Variants in KHDRBS2 observed in about 807,000 individuals in gnomAD.
The protein encoded by KHDRBS2 is KH domain-containing, RNA-binding, signal transduction-associated protein 2.
In KHDRBS2, 26 loss-of-function variants were observed where a neutral mutation model predicts 44.3. The observed-to-expected ratio is 0.59, with a 90% CI of 0.43 to 0.81. The LOEUF (loss-of-function observed/expected upper bound fraction) is 0.81, where lower values mean the gene tolerates loss of function less well. Ranked by LOEUF, KHDRBS2 falls within the 40% of genes least tolerant of loss-of-function variation. KHDRBS2 has a pLI of 0.00. For missense variants in KHDRBS2, 476 were observed against 433.1 expected (o/e 1.10, Z -0.88); for synonymous variants, 194 against 151.1 (o/e 1.28, Z -2.08).
chr6:61,955,498 G>A (rs533443177), intron 4 of KHDRBS2, among the ~76,000 whole-genome samples: 10 of 79,092 alleles, frequency 1.3e-4, no homozygotes, highest in African/African-American at 3.2e-4. Context: ...ATGTATACAT[G>A]TGTATATATA....
chr6:61,557,197 C>A, the KHDRBS2 span, among the ~76,000 whole-genome samples: 5 of 152,126 alleles, frequency 3.3e-5, no homozygotes, highest in Middle Eastern at 6.8e-3. Context: ...AGAATAGGAG[C>A]ATAATAATAT....
chr6:61,742,380 A>G (rs1776259859), intron 6 of KHDRBS2, among the ~76,000 whole-genome samples: 1 of 151,966 alleles, frequency 6.6e-6, no homozygotes, highest in Non-Finnish European at 1.5e-5. Context: ...TACAACAAAA[A>G]CTAACTGTAC....
the KHDRBS2 span, among the ~76,000 whole-genome samples, chr6:61,570,270 A>G: frequency 6.6e-6 from 1 of 152,168 alleles, no homozygotes; most frequent in East Asian, 1.9e-4. Context: ...GTGAAATACA[A>G]ATTACAGTGC....
intron 6 of KHDRBS2, among the ~76,000 whole-genome samples, chr6:61,814,385 G>T (rs1788581816): frequency 6.6e-6 from 1 of 152,122 alleles, no homozygotes; most frequent in East Asian, 1.9e-4. Flanking sequence ...GAGGAGGGTG[G>T]ATCATGAGGT....
At chr6:61,583,584 T>A in the KHDRBS2 span, among the ~76,000 whole-genome samples, 1 of 151,810 alleles carries the variant, frequency 6.6e-6, no homozygotes, top group African/African-American at 2.4e-5. Context: ...TATTTGTTCA[T>A]CCTTTGCCAC....
At chr6:62,180,012 G>A (rs1239827052) in intron 1 of KHDRBS2, among the ~76,000 whole-genome samples, 1 of 151,728 alleles carries the variant, frequency 6.6e-6, no homozygotes, top group African/African-American at 2.4e-5. Flanking sequence ...ACCAAAGAAA[G>A]CTTCATCCAT....
At chr6:62,259,394 A>G (rs1479574086) in intron 1 of KHDRBS2, among the ~76,000 whole-genome samples, 1 of 151,938 alleles carries the variant, frequency 6.6e-6, no homozygotes, top group Admixed American at 6.6e-5. Flanking sequence ...GGTACATCAC[A>G]TGACAACTGA....
At chr6:61,921,361 TA>T (rs1808030013) in intron 4 of KHDRBS2, among the ~76,000 whole-genome samples, 4 of 151,984 alleles carry the variant, frequency 2.6e-5, no homozygotes. Flanking sequence ...GAGATTATAT[TA>T]ACTCCCAAGT....
At chr6:61,848,166 C>T (rs1794684556) in intron 6 of KHDRBS2, among the ~76,000 whole-genome samples, 1 of 151,694 alleles carries the variant, frequency 6.6e-6, no homozygotes, top group Non-Finnish European at 1.5e-5. Flanking sequence ...CAAGTCAAGG[C>T]AAGATAGTAT....
chr6:61,788,143 T>A (rs1426738619), intron 6 of KHDRBS2, among the ~76,000 whole-genome samples: 2 of 151,602 alleles, frequency 1.3e-5, no homozygotes, highest in Non-Finnish European at 3.0e-5. Context: ...TCATATGTTG[T>A]TACAAAATAA....
chr6:61,601,656 C>A, the KHDRBS2 span, among the ~76,000 whole-genome samples: 1 of 152,102 alleles, frequency 6.6e-6, no homozygotes, highest in Non-Finnish European at 1.5e-5. Flanking sequence ...TCCCACCTGT[C>A]CCCTCAGTCC....
At chr6:62,215,923 T>A (rs1386247225) in intron 1 of KHDRBS2, among the ~76,000 whole-genome samples, 2 of 151,836 alleles carry the variant, frequency 1.3e-5, no homozygotes, top group East Asian at 3.9e-4. Flanking sequence ...AATATGATAC[T>A]CTATGATTGT....
intron 2 of KHDRBS2, among the ~76,000 whole-genome samples, chr6:62,164,821 C>T (rs1428207403): frequency 6.6e-6 from 1 of 151,698 alleles, no homozygotes; most frequent in Non-Finnish European, 1.5e-5. Context: ...TTCCGCATGC[C>T]CTAAAATCAT....
At chr6:61,614,033 G>T in the KHDRBS2 span, among the ~76,000 whole-genome samples, 3 of 152,156 alleles carry the variant, frequency 2.0e-5, no homozygotes, top group Non-Finnish European at 2.9e-5. Flanking sequence ...ACCCAGAAAT[G>T]GTGCTTGACA....
intron 2 of KHDRBS2, among the ~76,000 whole-genome samples, chr6:62,133,285 T>C (rs538187859): frequency 3.9e-5 from 6 of 152,230 alleles, no homozygotes; most frequent in East Asian, 3.9e-4. Context: ...AACTGAATCA[T>C]GGGGGCAGCT....
chr6:62,170,996 T>G (rs1819883680), intron 2 of KHDRBS2, among the ~76,000 whole-genome samples: 1 of 147,562 alleles, frequency 6.8e-6, no homozygotes, highest in South Asian at 2.1e-4. Context: ...CTTCAAATAT[T>G]AAAGGACCAT....
At chr6:61,902,209 A>G (rs948056989) in intron 4 of KHDRBS2, among the ~76,000 whole-genome samples, 3 of 152,162 alleles carry the variant, frequency 2.0e-5, no homozygotes, top group Non-Finnish European at 4.4e-5. Flanking sequence ...TGGGCCTCCC[A>G]AAGTGCTGGG....
At chr6:61,558,623 A>T in the KHDRBS2 span, among the ~76,000 whole-genome samples, 1 of 152,244 alleles carries the variant, frequency 6.6e-6, no homozygotes, top group African/African-American at 2.4e-5. Flanking sequence ...TGTTTCTATT[A>T]TTATTTATTT....
intron 6 of KHDRBS2, among the ~76,000 whole-genome samples, chr6:61,886,050 C>T (rs143138574): frequency 2.7e-4 from 41 of 152,272 alleles, no homozygotes; most frequent in Admixed American, 1.2e-3. Flanking sequence ...ATAGCTAGGG[C>T]CACATCTCAG....
Sources: allele counts gnomAD v4.1 joint callset (sites outside exome capture counted in the v4.1 genomes callset), GRCh38; gene constraint gnomAD v4.1.1; transcripts MANE v1.5; gene names NCBI Gene and HGNC (gene_info 2026-07-23, HGNC 2026-07-21).